NIN: variants seen among roughly 807,000 people sequenced by gnomAD.
NIN encodes ninein, also known as glycogen synthase kinase 3 beta-interacting protein.
Under a neutral mutation model 257.6 loss-of-function variants are expected in NIN, and 137 were observed. The ratio of observed to expected loss-of-function variants is 0.53; its 90% CI spans 0.46 to 0.61. NIN has a LOEUF of 0.61. NIN is among the 20% of genes least tolerant of loss of function. NIN has a pLI of 0.00. For missense variants in NIN, 2,439 were observed against 2,501.2 expected (o/e 0.98, Z 0.53); for synonymous variants, 918 against 919.8 (o/e 1.00, Z 0.04).
chr14:50,796,254 A>G (rs1242829996), intron 4 of NIN, among the ~76,000 whole-genome samples: 1 of 152,182 alleles, frequency 6.6e-6, no homozygotes, highest in Admixed American at 6.5e-5. Context: ...TTATTATGAG[A>G]CACACCAATC....
chr14:50,795,623 G>A (rs985038409), intron 4 of NIN, among the ~76,000 whole-genome samples: 5 of 152,226 alleles, frequency 3.3e-5, no homozygotes, highest in Non-Finnish European at 7.3e-5. Context: ...AGCACATCCA[G>A]ATGGAACCTT....
intron 28 of NIN, among the ~76,000 whole-genome samples, chr14:50,734,851 A>AT (rs761296440): frequency 0.17 from 22,950 of 135,410 alleles, 2,110 homozygotes; most frequent in Non-Finnish European, 0.21. Flanking sequence ...TAATTTTTGT[A>AT]TTTTTTTTTT....
In NIN at chr14:50,743,487, T is replaced by C. The variant is rs757200086; in HGVS notation, c.5230A>G (p.Lys1744Glu). 5 of 1,613,850 alleles carry C rather than the reference T, an allele frequency of 3.1e-6. No homozygotes were observed. Among genetic ancestry groups the C allele is most frequent in the Non-Finnish European group, 4.2e-6 (5 of 1,179,724 alleles). ...SLLEHRIATM[K>E]QEQKSWEHQS... ...TGTTCCCAGGATTTCTGTTCCTGCTTCATCGTCGCAATTCTATGCTCTAAA... is the reference window on the plus strand; with the variant it reads ...TGTTCCCAGGATTTCTGTTCCTGCTCCATCGTCGCAATTCTATGCTCTAAA... The change falls in exon 24 of 31, where the codon AAG becomes GAG. Residue 1744 changes from lysine to glutamate, a missense_variant. By Grantham distance (56) the Lys-to-Glu change is moderately conservative. Around this residue, in one of 3 missense-constraint regions of NIN, gnomAD observed 2,043 missense variants for 2,050.2 expected, o/e 1.00. Coordinates refer to ENST00000530997, the MANE Select transcript of NIN (RefSeq NM_020921.4).
At chr14:50,813,728 T>C (rs2044748970) in intron 3 of NIN, among the ~76,000 whole-genome samples, 1 of 152,200 alleles carries the variant, frequency 6.6e-6, no homozygotes, top group South Asian at 2.1e-4. Flanking sequence ...TCCACATGTG[T>C]GCAGGCACTA....
chr14:50,777,187 G>A lies in NIN; in HGVS notation c.476-48C>T, dbSNP rs756718902. On this transcript the variant is annotated intron_variant, in intron 6 of 30. Transcript: ENST00000530997. ...ACGGTTTCCAAAGGAATTGCAAAGA[G>A]AGAGTGCCTATTCTTAAAGAAAACT... The A allele has an allele frequency of 2.1e-6, 3 of 1,414,322 alleles. No individual in the cohort carries two copies. In the African/African-American group the frequency reaches 4.3e-5, roughly 20 times the overall value. The allele number at this position is 1,414,322 out of a possible 1,614,324, so 87.6% of individuals were successfully genotyped here.
intron 28 of NIN, chr14:50,730,988 G>A: frequency 2.3e-6 from 3 of 1,315,388 alleles, no homozygotes; most frequent in Non-Finnish European, 3.0e-6. Context: ...TGAGTTCTAG[G>A]TACAGGTTAG....
chr14:50,763,710 A>ATTT, intron 15 of NIN, 116 bp downstream of exon 15: 1 of 864,734 alleles, frequency 1.2e-6, no homozygotes. Context: ...GTATGGCCAA[A>ATTT]TTCTTTTTTT....
At chr14:50,782,886 A>G (rs1172003113) in intron 5 of NIN, among the ~76,000 whole-genome samples, 1 of 152,196 alleles carries the variant, frequency 6.6e-6, no homozygotes, top group Non-Finnish European at 1.5e-5. Flanking sequence ...AAGTGGCAAG[A>G]TCAGAGACAC....
At chr14:50,726,339 A>G (rs193008540) in intron 29 of NIN, 82 of 362,612 alleles carry the variant, frequency 2.3e-4, no homozygotes, top group Admixed American at 1.6e-3. Flanking sequence ...CTGAAAACCC[A>G]TAATTTAATA....
chr14:50,735,401 T>G, intron 28 of NIN, 115 bp downstream of exon 28: 2 of 1,391,218 alleles, frequency 1.4e-6, no homozygotes, highest in Non-Finnish European at 1.9e-6. Flanking sequence ...AACTTGGCAG[T>G]GTACTTAGAT....
chr14:50,735,589 T>C lies in NIN; in HGVS notation c.5804A>G (p.Glu1935Gly). The change falls in exon 28 of 31, where the codon GAA (glutamate) becomes GGA (glycine). Residue 1935 changes from glutamate (E) to glycine (G), a missense_variant. Physicochemically the swap from Glu to Gly is moderately conservative, Grantham distance 98. Around this residue, in one of 3 missense-constraint regions of NIN, gnomAD observed 2,043 missense variants for 2,050.2 expected, o/e 1.00. Coordinates refer to ENST00000530997, the MANE Select transcript of NIN (RefSeq NM_020921.4). ...KVSQMNSLEQ[E>G]LETIHLENEG... ...ATTTTCCAAATGAATTGTTTCTAATTCTTGTTCAAGGGAATTCATCTGACT... is the reference window on the plus strand; with the variant it reads ...ATTTTCCAAATGAATTGTTTCTAATCCTTGTTCAAGGGAATTCATCTGACT... 2.5e-6 allele frequency: 4 copies of C among 1,612,358 alleles called. No individual in the cohort carries two copies. The South Asian group carries it at 4.4e-5, about 18-fold the overall frequency.
intron 3 of NIN, among the ~76,000 whole-genome samples, chr14:50,808,328 C>A (rs934511237): frequency 1.3e-5 from 2 of 152,232 alleles, no homozygotes; most frequent in Non-Finnish European, 2.9e-5. Flanking sequence ...TCCCAACCAG[C>A]CAGTTCACAA....
At chr14:50,764,525 C>T (rs887550290) in intron 14 of NIN, among the ~76,000 whole-genome samples, 6 of 152,070 alleles carry the variant, frequency 3.9e-5, no homozygotes, top group Non-Finnish European at 5.9e-5. Context: ...CAAAAACGTG[C>T]GCACAAATTT....
chr14:50,793,145 T>C (rs980899067), intron 4 of NIN, among the ~76,000 whole-genome samples: 8 of 152,086 alleles, frequency 5.3e-5, no homozygotes, highest in Non-Finnish European at 1.0e-4. Context: ...TCTGACTTAA[T>C]TGCAGAGGAT....
At chr14:50,741,987 A>G (rs1395166990) in intron 24 of NIN, 1 of 390,002 alleles carries the variant, frequency 2.6e-6, no homozygotes, top group Non-Finnish European at 4.6e-6. Context: ...ACTAAATGGT[A>G]TCTTACAATA....
chr14:50,732,639 T>TA (rs1007465851), intron 28 of NIN, among the ~76,000 whole-genome samples: 7 of 152,220 alleles, frequency 4.6e-5, no homozygotes, highest in Non-Finnish European at 8.8e-5. Flanking sequence ...ATTAATATAC[T>TA]AAAAACCATT....
In NIN at chr14:50,776,935, A is replaced by ATT; in HGVS notation, c.666+13_666+14insAA. On this transcript the variant is annotated intron_variant, in intron 7 of 30. Transcript: ENST00000530997. ...ACCATCATTATCATTCCTGAATTAT[A>ATT]CTGCGAGGCTTACCTCTCCATCCAC... is the stretch of plus-strand genomic sequence containing the variant. The ATT allele has an allele frequency of 6.2e-7, 1 of 1,604,510 alleles. No individual in the cohort carries two copies. Among genetic ancestry groups the ATT allele is most frequent in the Non-Finnish European group, 8.5e-7 (1 of 1,174,884 alleles).
At chr14:50,784,134 C>T (rs1295116513) in intron 5 of NIN, among the ~76,000 whole-genome samples, 2 of 152,200 alleles carry the variant, frequency 1.3e-5, no homozygotes, top group Non-Finnish European at 2.9e-5. Context: ...CAGTTGTAGA[C>T]AGATAACTGT....
At chr14:50,806,669 A>C in intron 4 of NIN, 68 bp downstream of exon 4, 1 of 826,914 alleles carries the variant, frequency 1.2e-6, no homozygotes. Context: ...ACATGCTTCA[A>C]GGTCCCCAGA....
Sources: gnomAD v4.1 joint callset for allele counts (sites outside exome capture counted in the v4.1 genomes callset) on GRCh38, gnomAD v4.1.1 for gene constraint, gnomAD v4.1.1 regional missense constraint, MANE v1.5 for transcripts, NCBI Gene and HGNC (gene_info 2026-07-23, HGNC 2026-07-21) for gene names.